Variants in NMNAT2 observed in about 807,000 individuals in gnomAD.
The protein encoded by NMNAT2 is nicotinamide nucleotide adenylyltransferase 2, also known as nicotinamide/nicotinic acid mononucleotide adenylyltransferase 2.
A neutral mutation model predicts 41.6 loss-of-function variants in NMNAT2; 11 were observed. The observed-to-expected ratio is 0.26, with a 90% confidence interval of 0.17 to 0.44. The LOEUF is 0.44. NMNAT2 is among the 20% of genes least tolerant of loss of function. The probability of loss-of-function intolerance (pLI) is 1.00; values close to 1 mark genes in which losing one functional copy is unlikely to be tolerated. For synonymous variants in NMNAT2, 148 were observed against 151.2 expected, an observed-to-expected ratio of 0.98 and a Z score of 0.16; for missense variants, 288 against 407.7, an observed-to-expected ratio of 0.71 and a Z score of 2.53.
chr1:183,384,601 G>T (rs11585912), intron 1 of NMNAT2, among the ~76,000 whole-genome samples: 1 of 152,100 alleles, frequency 6.6e-6, no homozygotes, highest in Non-Finnish European at 1.5e-5. Flanking sequence ...CTTCCACTAG[G>T]CCCCTTCTCC....
chr1:183,253,009 G>T (rs1660431030), intron 10 of NMNAT2, among the ~76,000 whole-genome samples: 1 of 152,128 alleles, frequency 6.6e-6, no homozygotes, highest in East Asian at 1.9e-4. Flanking sequence ...CCTGTAAAAT[G>T]AGGGTAATAT....
chr1:183,309,665 A>G (rs925888471), intron 1 of NMNAT2, among the ~76,000 whole-genome samples: 10 of 152,244 alleles, frequency 6.6e-5, no homozygotes, highest in African/African-American at 2.4e-4. Context: ...TCCTAAGAAT[A>G]TAGCAGTTTA....
intron 1 of NMNAT2, among the ~76,000 whole-genome samples, chr1:183,326,856 T>C (rs1571600018): frequency 6.6e-6 from 1 of 152,106 alleles, no homozygotes; most frequent in African/African-American, 2.4e-5. Context: ...GCTGAAACTT[T>C]GACTCTGAGG....
intron 1 of NMNAT2, among the ~76,000 whole-genome samples, chr1:183,384,470 G>A (rs926313354): frequency 6.6e-6 from 1 of 152,170 alleles, no homozygotes; most frequent in African/African-American, 2.4e-5. Context: ...AAACTGCTGG[G>A]ATTACAGGCA....
intron 1 of NMNAT2, among the ~76,000 whole-genome samples, chr1:183,367,481 A>G (rs1663438705): frequency 6.6e-6 from 1 of 152,214 alleles, no homozygotes; most frequent in African/African-American, 2.4e-5. Flanking sequence ...AAATAAATAA[A>G]TAAGCATAAA....
intron 1 of NMNAT2, among the ~76,000 whole-genome samples, chr1:183,412,642 G>A (rs1649150273): frequency 6.6e-6 from 1 of 152,254 alleles, no homozygotes; most frequent in African/African-American, 2.4e-5. Context: ...GTTTGCACCA[G>A]GGATGTAGAT....
rs188872082 is a variant in NMNAT2, at chr1:183,261,603, C to T, written c.652-300G>A. Among the ~76,000 whole-genome samples the T allele has an allele frequency of 5.1e-3, 771 of 152,304 alleles. 18 individuals are homozygous for T. Among genetic ancestry groups the T allele is most frequent in the Admixed American group, 0.038 (582 of 15,304 alleles). ...AGATCTCTCCAATTCCTGAGGCTCC[C>T]GTTAAGTTCACAATGCTGCAGAATC... On this transcript the variant is annotated intron_variant, in intron 8 of 10. Transcript: ENST00000287713.
intron 1 of NMNAT2, among the ~76,000 whole-genome samples, chr1:183,372,036 C>T (rs1158912124): frequency 6.6e-6 from 1 of 152,202 alleles, no homozygotes; most frequent in Non-Finnish European, 1.5e-5. Context: ...CTGTCTCAGC[C>T]TCCCAAAGTG....
At chr1:183,254,684 A>C (rs1571552487) in intron 10 of NMNAT2, among the ~76,000 whole-genome samples, 1 of 151,990 alleles carries the variant, frequency 6.6e-6, no homozygotes, top group African/African-American at 2.4e-5. Flanking sequence ...CAATCTTTCC[A>C]CCTCAGCCTC....
chr1:183,268,572 A>T (rs1660880964), intron 8 of NMNAT2, among the ~76,000 whole-genome samples: 1 of 152,158 alleles, frequency 6.6e-6, no homozygotes, highest in Non-Finnish European at 1.5e-5. Flanking sequence ...TTATGAGCTG[A>T]ACTCCTCCAA....
chr1:183,283,323 G>A (rs1276938694), intron 7 of NMNAT2: 1 of 152,912 alleles, frequency 6.5e-6, no homozygotes, highest in Non-Finnish European at 1.5e-5. Flanking sequence ...CTCTATTCTG[G>A]TGTCTCCCTG....
chr1:183,412,348 C>T (rs1242579078), intron 1 of NMNAT2, among the ~76,000 whole-genome samples: 1 of 152,200 alleles, frequency 6.6e-6, no homozygotes, highest in African/African-American at 2.4e-5. Context: ...CTCAGCCTCC[C>T]AAGTAGCTGG....
intron 7 of NMNAT2, 113 bp downstream of exon 7, chr1:183,283,882 C>G (rs932510603): frequency 1.0e-6 from 1 of 998,440 alleles, no homozygotes; most frequent in African/African-American, 1.6e-5. Context: ...AGAGGAGACC[C>G]TGCTGCAAAA....
At chr1:183,402,932 A>T (rs1187346214) in intron 1 of NMNAT2, among the ~76,000 whole-genome samples, 1 of 151,094 alleles carries the variant, frequency 6.6e-6, no homozygotes, top group Non-Finnish European at 1.5e-5. Context: ...GCAATAAGAC[A>T]TCATGTCATG....
chr1:183,329,325 A>G (rs993072042), intron 1 of NMNAT2, among the ~76,000 whole-genome samples: 4 of 152,192 alleles, frequency 2.6e-5, no homozygotes, highest in African/African-American at 9.7e-5. Flanking sequence ...GCTCAGCATG[A>G]AAGTCATATA....
chr1:183,295,765 T>C (rs960109075), intron 1 of NMNAT2, among the ~76,000 whole-genome samples: 1 of 152,220 alleles, frequency 6.6e-6, no homozygotes, highest in Admixed American at 6.5e-5. Context: ...AATCATACAG[T>C]ATGTACCCTC....
intron 8 of NMNAT2, among the ~76,000 whole-genome samples, chr1:183,273,158 T>G: frequency 6.6e-6 from 1 of 152,264 alleles, no homozygotes; most frequent in East Asian, 1.9e-4. Context: ...TTCCATTTTC[T>G]GTACATCACC....
chr1:183,267,945 A>G (rs1001757737), intron 8 of NMNAT2, among the ~76,000 whole-genome samples: 2 of 152,166 alleles, frequency 1.3e-5, no homozygotes, highest in Non-Finnish European at 2.9e-5. Context: ...TAGCACTGGC[A>G]TATGTCGAGC....
rs148192393 is a variant in NMNAT2 at position 183,271,536 on chromosome 1, C to T, written c.651+7017G>A. 1.8e-3 allele frequency among the ~76,000 whole-genome samples: 280 copies of T among 152,262 alleles called. 1 individual carries two copies. The highest frequency in any genetic ancestry group is 6.0e-3 in the African/African-American group (250 of 41,542). On this transcript the variant is annotated intron_variant, in intron 8 of 10. Coordinates refer to ENST00000287713, the MANE Select transcript of NMNAT2 (RefSeq NM_015039.4). ...TAAATATTTTAAAATAAGTGAATAA[C>T]GGCCAACATTTATGGAATGTTTACT...
Sources: allele counts gnomAD v4.1 joint callset (sites outside exome capture counted in the v4.1 genomes callset), GRCh38; gene constraint gnomAD v4.1.1; transcripts MANE v1.5; gene names NCBI Gene and HGNC (gene_info 2026-07-23, HGNC 2026-07-21).